Variants in SLC9A9 observed in about 807,000 individuals in gnomAD.
SLC9A9 encodes solute carrier family 9 member A9.
In SLC9A9, 62 loss-of-function variants were observed where a neutral mutation model predicts 77.8. The observed-to-expected ratio is 0.80, with a 90% CI of 0.65 to 0.98. SLC9A9 has a LOEUF of 0.98. Ranked by LOEUF, SLC9A9 falls within the 50% of genes least tolerant of loss-of-function variation. The pLI, the probability that SLC9A9 is intolerant of heterozygous loss-of-function variation, is 0.00. For missense variants in SLC9A9, 775 were observed against 774.9 expected (o/e 1.00, Z 0.00); for synonymous variants, 320 against 283.5 (o/e 1.13, Z -1.29).
At chr3:143,527,765 G>A (rs2036429530) in intron 9 of SLC9A9, among the ~76,000 whole-genome samples, 1 of 152,178 alleles carries the variant, frequency 6.6e-6, no homozygotes, top group African/African-American at 2.4e-5. Context: ...TTCCCTCAGT[G>A]CCTCAGCAGT....
intron 4 of SLC9A9, among the ~76,000 whole-genome samples, chr3:143,773,110 G>T (rs1012577256): frequency 2.6e-5 from 4 of 152,174 alleles, no homozygotes; most frequent in African/African-American, 9.7e-5. Context: ...ATCAATAATT[G>T]TATTTTGCTA....
chr3:143,779,310 A>T (rs947663260), intron 4 of SLC9A9, among the ~76,000 whole-genome samples: 1 of 152,168 alleles, frequency 6.6e-6, no homozygotes, highest in African/African-American at 2.4e-5. Flanking sequence ...CATTTGACAA[A>T]CATTAACTAA....
chr3:143,386,304 T>TA (rs1224143470), intron 12 of SLC9A9, among the ~76,000 whole-genome samples: 8 of 152,338 alleles, frequency 5.3e-5, no homozygotes, highest in Middle Eastern at 3.4e-3. Flanking sequence ...AGCTCTACAG[T>TA]ATACATCGGC....
intron 5 of SLC9A9, among the ~76,000 whole-genome samples, chr3:143,686,028 G>T (rs1041595578): frequency 1.3e-4 from 20 of 152,196 alleles, no homozygotes; most frequent in African/African-American, 4.1e-4. Flanking sequence ...TGCTAGAAAT[G>T]CAGCTATGTG....
chr3:143,431,631 G>A (rs1408775348), intron 12 of SLC9A9, among the ~76,000 whole-genome samples: 5 of 151,796 alleles, frequency 3.3e-5, no homozygotes, highest in South Asian at 2.1e-4. Context: ...ACAGGCACCC[G>A]CCACCATGCC....
At chr3:143,564,694 T>G (rs1342743459) in intron 8 of SLC9A9, among the ~76,000 whole-genome samples, 1 of 152,126 alleles carries the variant, frequency 6.6e-6, no homozygotes, top group African/African-American at 2.4e-5. Context: ...GGCAACTCCA[T>G]AGTTGGCAGA....
chr3:143,313,995 G>T (rs1169448108), intron 14 of SLC9A9, among the ~76,000 whole-genome samples: 1 of 152,226 alleles, frequency 6.6e-6, no homozygotes, highest in Non-Finnish European at 1.5e-5. Flanking sequence ...GTGAGGGCAT[G>T]GGCGGGGTGG....
At chr3:143,544,704 G>A (rs1228445181) in intron 9 of SLC9A9, among the ~76,000 whole-genome samples, 1 of 152,102 alleles carries the variant, frequency 6.6e-6, no homozygotes, top group African/African-American at 2.4e-5. Context: ...TGTTTTTGTT[G>A]TAATTGCTTT....
At chr3:143,413,502 C>T (rs1447026899) in intron 12 of SLC9A9, among the ~76,000 whole-genome samples, 3 of 152,086 alleles carry the variant, frequency 2.0e-5, no homozygotes, top group African/African-American at 4.8e-5. Context: ...GCAGTGGGAG[C>T]CACTGTACAA....
chr3:143,809,899 G>T (rs1457324157), intron 2 of SLC9A9, among the ~76,000 whole-genome samples: 1 of 152,130 alleles, frequency 6.6e-6, no homozygotes, highest in South Asian at 2.1e-4. Context: ...CAATTGGAGA[G>T]TACATTTATA....
At chr3:143,421,677 G>A (rs2034299657) in intron 12 of SLC9A9, among the ~76,000 whole-genome samples, 1 of 152,110 alleles carries the variant, frequency 6.6e-6, no homozygotes, top group Non-Finnish European at 1.5e-5. Flanking sequence ...CTGGACATTG[G>A]CCTTGGCAAA....
At chr3:143,314,320 G>C (rs1420279466) in intron 14 of SLC9A9, 1 of 152,348 alleles carries the variant, frequency 6.6e-6, no homozygotes, top group Non-Finnish European at 1.5e-5. Flanking sequence ...GCTCCTTCCT[G>C]CTCACAATCC....
intron 15 of SLC9A9, among the ~76,000 whole-genome samples, chr3:143,267,345 C>CTTTTTTT (rs749407002): frequency 1.2e-4 from 14 of 113,602 alleles, no homozygotes; most frequent in African/African-American, 3.8e-4. Flanking sequence ...GTTATTGCTA[C>CTTTTTTT]TTTTTTTTTT....
chr3:143,831,893 A>T, intron 2 of SLC9A9, 126 bp downstream of exon 2: 1 of 846,876 alleles, frequency 1.2e-6, no homozygotes, highest in East Asian at 2.7e-5. Context: ...AACGTCTCCA[A>T]AAGAGTGGTG....
At chr3:143,354,995 A>G (rs1440432828) in intron 14 of SLC9A9, among the ~76,000 whole-genome samples, 1 of 152,246 alleles carries the variant, frequency 6.6e-6, no homozygotes, top group African/African-American at 2.4e-5. Flanking sequence ...CAAAATTGCT[A>G]TCTGTAGTAT....
At chr3:143,479,821 G>A (rs946592217) in intron 11 of SLC9A9, among the ~76,000 whole-genome samples, 1 of 152,142 alleles carries the variant, frequency 6.6e-6, no homozygotes, top group Non-Finnish European at 1.5e-5. Flanking sequence ...ACCTTCTTTG[G>A]AATAAAACTC....
chr3:143,631,931 A>G (rs916885238), intron 6 of SLC9A9, among the ~76,000 whole-genome samples: 11 of 152,176 alleles, frequency 7.2e-5, no homozygotes, highest in African/African-American at 2.7e-4. Context: ...CACATGCTGG[A>G]CCAGAACCAG....
intron 14 of SLC9A9, among the ~76,000 whole-genome samples, chr3:143,327,893 G>A (rs1425344546): frequency 6.6e-6 from 1 of 152,190 alleles, no homozygotes; most frequent in African/African-American, 2.4e-5. Context: ...AATTCATTGA[G>A]CACTAACTAG....
At chr3:143,463,666 T>C (rs554487970) in intron 12 of SLC9A9, among the ~76,000 whole-genome samples, 56 of 152,334 alleles carry the variant, frequency 3.7e-4, no homozygotes, top group Non-Finnish European at 6.3e-4. Context: ...AAAATAATGC[T>C]GGAGGAGTCT....
Sources: allele counts gnomAD v4.1 joint callset (sites outside exome capture counted in the v4.1 genomes callset), GRCh38; gene constraint gnomAD v4.1.1; transcripts MANE v1.5; gene names NCBI Gene and HGNC (gene_info 2026-07-23, HGNC 2026-07-21).